The following SLCO4C1 variants were observed in gnomAD, a reference collection of about 807,000 sequenced individuals.
SLCO4C1 encodes the protein organic anion transporter M1.
Under a neutral mutation model 72.1 loss-of-function variants are expected in SLCO4C1, and 58 were observed. That is an observed-to-expected ratio of 0.80 (90% confidence interval 0.65 to 1.00). The LOEUF is 1.00. Among genes scored for constraint, SLCO4C1 ranks in the 50% least tolerant of loss-of-function variants. The pLI is 0.00. For synonymous variants in SLCO4C1, 297 were observed against 312.5 expected, an observed-to-expected ratio of 0.95 and a Z score of 0.52; for missense variants, 898 against 857.9, an observed-to-expected ratio of 1.05 and a Z score of -0.58.
chr5:102,273,965 A>C (rs1036208570), intron 2 of SLCO4C1, among the ~76,000 whole-genome samples: 1 of 152,164 alleles, frequency 6.6e-6, no homozygotes, highest in Non-Finnish European at 1.5e-5. Context: ...AACCAACCAC[A>C]GATCAAAAAT....
Position 102,249,771 on chromosome 5 carries a change from T to C in SLCO4C1, c.1487A>G (p.Asn496Ser). The change falls in exon 9 of 13, where the codon AAC becomes AGC. Residue 496 changes from asparagine (N) to serine (S), a missense_variant. Transcript: ENST00000310954. Reference sequence around the variant, plus strand: ...ATTGGCATTACAAGGGGCTATCAAGTTTCCCAATTCTCCAGTCCTGTAAAT... The same window carrying C: ...ATTGGCATTACAAGGGGCTATCAAGCTTCCCAATTCTCCAGTCCTGTAAAT... ...ESYNGTGELG[N>S]LIAPCNANCN... is the part of the protein sequence containing the mutation. 6.2e-7 allele frequency: 1 copy of C among 1,613,588 alleles called. No individual in the cohort carries two copies. Among genetic ancestry groups the C allele is most frequent in the South Asian group, 1.1e-5 (1 of 90,958 alleles).
At chr5:102,261,263 T>G (rs841752) in intron 5 of SLCO4C1, among the ~76,000 whole-genome samples, 114,238 of 151,826 alleles carry the variant, frequency 0.75, 43,031 homozygotes, top group Middle Eastern at 0.84. Context: ...AAATACAAAA[T>G]TAGCCGAGAG....
rs1748951376 is a variant in SLCO4C1 at position 102,261,944 on chromosome 5, A to T, written c.989T>A (p.Ile330Lys). 1 of 1,612,220 alleles carries T rather than the reference A, an allele frequency of 6.2e-7. No homozygotes were observed. The highest frequency in any genetic ancestry group is 8.5e-7 in the Non-Finnish European group (1 of 1,179,086). ...LSWIFAWSLI[I>K]PFSCFPKHLP... is the part of the protein sequence containing the mutation. Reference sequence around the variant, plus strand: ...ATGTTTTGGAAAGCAAGAAAAAGGTATTATTAAAGACCAAGCAAAGATCCA... The same window carrying T: ...ATGTTTTGGAAAGCAAGAAAAAGGTTTTATTAAAGACCAAGCAAAGATCCA... Residue 330 changes from isoleucine to lysine, a missense_variant, in exon 5 of 13, where the codon ATA (isoleucine) becomes AAA (lysine). Physicochemically the swap from Ile to Lys is moderately radical, Grantham distance 102 (BLOSUM62 -3). Coordinates refer to ENST00000310954, the MANE Select transcript of SLCO4C1 (RefSeq NM_180991.5).
chr5:102,291,708 T>TAAAA, intron 1 of SLCO4C1, 102 bp from the exon 2 acceptor site: 1 of 999,052 alleles, frequency 1.0e-6, no homozygotes, highest in Non-Finnish European at 1.4e-6. Flanking sequence ...CTTTTTTTTC[T>TAAAA]TAAAATGTAC....
chr5:102,268,635 T>C (rs1231323502), intron 3 of SLCO4C1, among the ~76,000 whole-genome samples: 1 of 152,186 alleles, frequency 6.6e-6, no homozygotes, highest in Non-Finnish European at 1.5e-5. Flanking sequence ...CTGATTGTTT[T>C]ATATATCCTT....
At chr5:102,295,824 C>G (rs1398977461) in intron 1 of SLCO4C1, 84 bp downstream of exon 1, 1 of 1,371,596 alleles carries the variant, frequency 7.3e-7, no homozygotes, top group Non-Finnish European at 9.8e-7. Context: ...ACGGACCCCG[C>G]GCACCTGCCC....
At chr5:102,250,725 A>G (rs9327810) in intron 8 of SLCO4C1, among the ~76,000 whole-genome samples, 18,114 of 152,188 alleles carry the variant, frequency 0.12, 1,292 homozygotes, top group African/African-American at 0.16. Context: ...GCGGTGGCTT[A>G]CACCTGTAAT....
chr5:102,290,387 A>C lies in SLCO4C1; in HGVS notation c.619+956T>G, dbSNP rs192925809. ...AACAGTTTTGTTGGGAACAAACAGA[A>C]CTCACTGACCCCATTCCCAGGGCAT... On this transcript the variant is annotated intron_variant, in intron 2 of 12. Transcript: ENST00000310954. 2.0e-5 allele frequency among the ~76,000 whole-genome samples: 3 copies of C among 152,302 alleles called. No homozygotes were observed. In the East Asian group the frequency reaches 5.8e-4, roughly 29 times the overall value.
At chr5:102,256,887 C>T (rs1748845747) in intron 8 of SLCO4C1, among the ~76,000 whole-genome samples, 1 of 152,078 alleles carries the variant, frequency 6.6e-6, no homozygotes, top group African/African-American at 2.4e-5. Flanking sequence ...AAGTATAGTG[C>T]CCAGTATATG....
At chr5:102,280,165 G>A (rs1206802591) in intron 2 of SLCO4C1, among the ~76,000 whole-genome samples, 1 of 144,962 alleles carries the variant, frequency 6.9e-6, no homozygotes, top group African/African-American at 2.5e-5. Context: ...TAATAAAACT[G>A]TTCCTATGTG....
At position 102,261,921 on chromosome 5, in the gene SLCO4C1, G is replaced by A. The variant is rs192621501; in HGVS notation, c.1012C>T (p.His338Tyr). ...AAGAAAGCATGTTTACCTGGTAAATGTTTTGGAAAGCAAGAAAAAGGTATT... is the reference window on the plus strand; with the variant it reads ...AAGAAAGCATGTTTACCTGGTAAATATTTTGGAAAGCAAGAAAAAGGTATT... ...LIIPFSCFPK[H>Y]LPGTAEIQAG... is the part of the protein sequence containing the mutation. Residue 338 changes from histidine to tyrosine, a missense_variant, in exon 5 of 13, where the codon CAT (histidine) becomes TAT (tyrosine). Transcript: ENST00000310954. The A allele has an allele frequency of 1.2e-6, 2 of 1,610,856 alleles. No homozygotes were observed. Among genetic ancestry groups the A allele is most frequent in the South Asian group, 2.2e-5 (2 of 90,470 alleles).
intron 2 of SLCO4C1, among the ~76,000 whole-genome samples, chr5:102,271,580 T>G (rs971088983): frequency 6.6e-6 from 1 of 151,732 alleles, no homozygotes; most frequent in Admixed American, 6.6e-5. Context: ...ATAATAAAAC[T>G]TAAATGACTA....
At chr5:102,242,098 G>T (rs555618925) in intron 10 of SLCO4C1, among the ~76,000 whole-genome samples, 1 of 152,144 alleles carries the variant, frequency 6.6e-6, no homozygotes, top group African/African-American at 2.4e-5. Context: ...GAGCAGAAAG[G>T]AAAACCAGAC....
At chr5:102,267,323 G>A (rs975815769) in intron 3 of SLCO4C1, among the ~76,000 whole-genome samples, 2 of 152,108 alleles carry the variant, frequency 1.3e-5, no homozygotes, top group African/African-American at 4.8e-5. Context: ...GTCTGACCAA[G>A]TTTTCTATTT....
intron 2 of SLCO4C1, among the ~76,000 whole-genome samples, chr5:102,277,653 T>G (rs1001087702): frequency 6.6e-6 from 1 of 152,018 alleles, no homozygotes; most frequent in African/African-American, 2.4e-5. Flanking sequence ...AGGTGTCAAT[T>G]GAGGCCAAGA....
intron 8 of SLCO4C1, among the ~76,000 whole-genome samples, chr5:102,253,066 A>G (rs1189765478): frequency 1.3e-5 from 2 of 152,126 alleles, no homozygotes; most frequent in African/African-American, 2.4e-5. Context: ...TTAAGATGCT[A>G]TTTCATATAA....
At chr5:102,287,879 T>G (rs547734406) in intron 2 of SLCO4C1, among the ~76,000 whole-genome samples, 1 of 152,186 alleles carries the variant, frequency 6.6e-6, no homozygotes, top group Admixed American at 6.5e-5. Flanking sequence ...TAACATCCCT[T>G]CCGTTTCTAA....
At chr5:102,274,022 A>G (rs1200784487) in intron 2 of SLCO4C1, among the ~76,000 whole-genome samples, 1 of 152,158 alleles carries the variant, frequency 6.6e-6, no homozygotes, top group Non-Finnish European at 1.5e-5. Flanking sequence ...AAATATAAAT[A>G]AAAATATACT....
intron 10 of SLCO4C1, among the ~76,000 whole-genome samples, chr5:102,242,590 A>AT (rs1748566097): frequency 6.6e-6 from 1 of 152,100 alleles, no homozygotes; most frequent in South Asian, 2.1e-4. Flanking sequence ...TTCTAGACAC[A>AT]TTTTGGGCCA....
Sources: allele counts gnomAD v4.1 joint callset (sites outside exome capture counted in the v4.1 genomes callset), GRCh38; gene constraint gnomAD v4.1.1; transcripts MANE v1.5; gene names NCBI Gene and HGNC (gene_info 2026-07-23, HGNC 2026-07-21).